Variants in MSR1 observed in about 807,000 individuals in gnomAD.
The protein encoded by MSR1 is macrophage scavenger receptor types I and II.
A neutral mutation model predicts 47.2 loss-of-function variants in MSR1; 53 were observed. The ratio of observed to expected loss-of-function variants is 1.12; its 90% CI spans 0.90 to 1.41. The LOEUF (loss-of-function observed/expected upper bound fraction) is 1.41, where lower values mean the gene tolerates loss of function less well. MSR1 is among the 40% of genes most tolerant of loss of function. MSR1 has a pLI of 0.00. For synonymous variants in MSR1, 239 were observed against 185.6 expected (o/e 1.29, Z -2.34); for missense variants, 786 against 546.9 (o/e 1.44, Z -4.36).
In MSR1 at chr8:16,185,562, A is replaced by C. The variant is rs111637877; in HGVS notation, c.-5+7036T>G. On this transcript the variant is annotated intron_variant, in intron 1 of 9. Transcript: ENST00000262101. ...AAGCACAGTCACGCAATCTGAGCCC[A>C]GAACTGCTTTTCTAGACCGCTCTCA... Among the ~76,000 whole-genome samples, 358 of 152,284 alleles carry C rather than the reference A, an allele frequency of 2.4e-3. 2 individuals carry two copies. The highest frequency in any genetic ancestry group is 6.8e-3 in the Middle Eastern group (2 of 294).
intron 5 of MSR1, 92 bp downstream of exon 5, chr8:16,163,973 C>T: frequency 9.7e-7 from 1 of 1,031,370 alleles, no homozygotes; most frequent in South Asian, 1.9e-5. Flanking sequence ...CTATTTATTT[C>T]AAACCATAGG....
chr8:16,175,290 G>T lies in MSR1; in HGVS notation c.114C>A (p.Asn38Lys). The change falls in exon 3 of 10, where the codon AAC becomes AAA. Residue 38 changes from asparagine to lysine, a missense_variant. Transcript: ENST00000262101. ...MTALLPPNPK[N>K]SPSLQEKLKS... ...TCAGTTTCTCTTGAAGGGAAGGGCT[G>T]TTTTTAGGATCTAATAAAACAAAAA... is the stretch of plus-strand genomic sequence containing the variant. The T allele has an allele frequency of 6.2e-7, 1 of 1,613,718 alleles. No homozygotes were observed. Among genetic ancestry groups the T allele is most frequent in the Non-Finnish European group, 8.5e-7 (1 of 1,179,672 alleles).
intron 7 of MSR1, among the ~76,000 whole-genome samples, chr8:16,146,895 G>A (rs759590508): frequency 2.0e-5 from 3 of 152,062 alleles, no homozygotes; most frequent in South Asian, 2.1e-4. Context: ...GTGTTCAACC[G>A]TCTGTAGATA....
chr8:16,162,053 T>C (rs1801177585), intron 5 of MSR1, among the ~76,000 whole-genome samples: 1 of 152,028 alleles, frequency 6.6e-6, no homozygotes, highest in Non-Finnish European at 1.5e-5. Context: ...AAGCTGGTTA[T>C]ATTCCCAAAC....
intron 3 of MSR1, among the ~76,000 whole-genome samples, chr8:16,171,559 A>G (rs1348756430): frequency 6.6e-6 from 1 of 152,166 alleles, no homozygotes; most frequent in Non-Finnish European, 1.5e-5. Flanking sequence ...TTGGGTTGAC[A>G]GCCTCATCCA....
intron 7 of MSR1, among the ~76,000 whole-genome samples, chr8:16,144,730 T>C (rs949420183): frequency 3.9e-5 from 6 of 152,228 alleles, no homozygotes; most frequent in Middle Eastern, 3.4e-3. Flanking sequence ...ACTTTGCCCA[T>C]AAAAGATACA....
At chr8:16,170,159 C>A (rs1170700836) in intron 3 of MSR1, among the ~76,000 whole-genome samples, 1 of 152,008 alleles carries the variant, frequency 6.6e-6, no homozygotes, top group Non-Finnish European at 1.5e-5. Flanking sequence ...ACCATCCTGG[C>A]CAACATGATG....
At chr8:16,181,330 A>G (rs1397137742) in intron 1 of MSR1, among the ~76,000 whole-genome samples, 1 of 152,078 alleles carries the variant, frequency 6.6e-6, no homozygotes, top group Admixed American at 6.6e-5. Flanking sequence ...AAGCATTCCT[A>G]TTTCTCCATA....
At position 16,141,128 on chromosome 8, in the gene MSR1, A is replaced by G. The variant is rs1800546708; in HGVS notation, c.1033+2430T>C. 2.0e-5 allele frequency: 29 copies of G among 1,481,156 alleles called. No homozygotes were observed. In the South Asian group the frequency reaches 3.4e-4, roughly 17 times the overall value. The allele number at this position is 1,481,156 out of a possible 1,614,324, so 91.8% of individuals were successfully genotyped here. On this transcript the variant is annotated intron_variant, in intron 8 of 9. Transcript: ENST00000262101. Reference sequence around the variant, plus strand: ...ACAAAATTTTAAAGATGCATATGAAAACATTCAATATAAATTTTCACATAC... The same window carrying G: ...ACAAAATTTTAAAGATGCATATGAAGACATTCAATATAAATTTTCACATAC...
chr8:16,153,359 T>C (rs1165264514), intron 6 of MSR1, among the ~76,000 whole-genome samples: 1 of 152,020 alleles, frequency 6.6e-6, no homozygotes, highest in Non-Finnish European at 1.5e-5. Flanking sequence ...GCCTGGTATT[T>C]TGAATACTTT....
intron 8 of MSR1, among the ~76,000 whole-genome samples, chr8:16,123,193 T>C (rs1226133742): frequency 6.6e-6 from 1 of 152,098 alleles, no homozygotes; most frequent in East Asian, 1.9e-4. Context: ...TGCTGATCCA[T>C]ATCTGTCACC....
chr8:16,157,469 T>C (rs1801043448), intron 5 of MSR1, among the ~76,000 whole-genome samples: 1 of 151,970 alleles, frequency 6.6e-6, no homozygotes, highest in Non-Finnish European at 1.5e-5. Context: ...GTAAAGATTT[T>C]TGTTAGAGTT....
At chr8:16,123,026 T>C (rs956704261) in intron 8 of MSR1, among the ~76,000 whole-genome samples, 1 of 151,778 alleles carries the variant, frequency 6.6e-6, no homozygotes, top group African/African-American at 2.4e-5. Context: ...TTGTATTTTT[T>C]AGTACAGACG....
intron 9 of MSR1, among the ~76,000 whole-genome samples, chr8:16,114,049 T>C (rs939910432): frequency 6.6e-6 from 1 of 152,132 alleles, no homozygotes; most frequent in African/African-American, 2.4e-5. Context: ...CTTTCCATAA[T>C]ATTTAACATT....
intron 8 of MSR1, among the ~76,000 whole-genome samples, chr8:16,124,863 G>A (rs1035997664): frequency 6.6e-5 from 10 of 151,922 alleles, no homozygotes; most frequent in Admixed American, 2.0e-4. Context: ...TACATGAACT[G>A]CATTACCCAG....
chr8:16,127,923 A>C (rs996962417), intron 8 of MSR1, among the ~76,000 whole-genome samples: 3 of 152,188 alleles, frequency 2.0e-5, no homozygotes, highest in African/African-American at 7.2e-5. Context: ...CCTGTTTGTC[A>C]TTAATCCCAT....
intron 9 of MSR1, among the ~76,000 whole-genome samples, chr8:16,116,846 G>A (rs960091638): frequency 6.6e-6 from 1 of 152,134 alleles, no homozygotes; most frequent in Non-Finnish European, 1.5e-5. Context: ...CCATGGCAAA[G>A]CTTCATGCTC....
At chr8:16,172,154 A>G (rs1801504873) in intron 3 of MSR1, among the ~76,000 whole-genome samples, 2 of 152,182 alleles carry the variant, frequency 1.3e-5, no homozygotes, top group South Asian at 4.1e-4. Flanking sequence ...TACTATGCAC[A>G]TTGCTCTGAT....
At chr8:16,111,081 A>AT (rs1056742635) in intron 9 of MSR1, among the ~76,000 whole-genome samples, 1 of 152,054 alleles carries the variant, frequency 6.6e-6, no homozygotes, top group Middle Eastern at 3.2e-3. Context: ...CATGTTTCCT[A>AT]TTGTGTTTGT....
Sources: gnomAD v4.1 joint callset for allele counts (sites outside exome capture counted in the v4.1 genomes callset) on GRCh38, gnomAD v4.1.1 for gene constraint, MANE v1.5 for transcripts, NCBI Gene and HGNC (gene_info 2026-07-23, HGNC 2026-07-21) for gene names.